DCDC1: variants seen among roughly 807,000 people sequenced by gnomAD.
The protein encoded by DCDC1 is doublecortin domain-containing protein 1.
A neutral mutation model predicts 178.3 loss-of-function variants in DCDC1; 200 were observed. The ratio of observed to expected loss-of-function variants is 1.12; its 90% CI spans 1.00 to 1.26. DCDC1 has a LOEUF of 1.26. Ranked by LOEUF, DCDC1 falls within the 50% of genes most tolerant of loss-of-function variation. The pLI is 0.00. For synonymous variants in DCDC1, 690 were observed against 604.8 expected (o/e 1.14, Z -2.07); for missense variants, 1,983 against 1,749.2 (o/e 1.13, Z -2.38).
chr11:30,954,151 G>T (rs1948619937), intron 20 of DCDC1, among the ~76,000 whole-genome samples: 1 of 151,556 alleles, frequency 6.6e-6, no homozygotes, highest in Admixed American at 6.6e-5. Context: ...GAGTAGCTGT[G>T]ACTACAGGCG....
chr11:31,026,763 T>C (rs1219230873), intron 20 of DCDC1, among the ~76,000 whole-genome samples: 1 of 151,862 alleles, frequency 6.6e-6, no homozygotes, highest in Non-Finnish European at 1.5e-5. Context: ...ACTATCTTCA[T>C]ATATAAATGC....
chr11:31,094,045 G>A lies in DCDC1; in HGVS notation c.2118+5C>T, dbSNP rs921735451. ...CACTCAGCAAAAGCAGACACTCTTA[G>A]GTACCTTGGTGATCAGCCACACACT... On this transcript the variant is annotated splice_donor_5th_base_variant and intron_variant, in intron 16 of 38. Coordinates refer to ENST00000684477, the MANE Select transcript of DCDC1 (RefSeq NM_001387274.1). The A allele has an allele frequency of 2.6e-6, 2 of 765,942 alleles. No individual in the cohort carries two copies. Among genetic ancestry groups the A allele is most frequent in the Non-Finnish European group, 4.8e-6 (2 of 417,652 alleles). The allele number at this position is 765,942 out of a possible 1,614,324, so 47.4% of individuals were successfully genotyped here.
chr11:31,348,768 T>C (rs1591827029), intron 1 of DCDC1, among the ~76,000 whole-genome samples: 4 of 152,316 alleles, frequency 2.6e-5, no homozygotes, highest in South Asian at 4.1e-4. Flanking sequence ...CCATCTCCAA[T>C]AGAGCTAGTC....
intron 27 of DCDC1, among the ~76,000 whole-genome samples, chr11:30,914,136 T>C (rs1382261547): frequency 6.6e-6 from 1 of 152,236 alleles, no homozygotes. Context: ...TGGCAAACCA[T>C]TCACAGAAAC....
chr11:31,365,740 A>G (rs1314575155), intron 1 of DCDC1, among the ~76,000 whole-genome samples: 1 of 152,148 alleles, frequency 6.6e-6, no homozygotes, highest in African/African-American at 2.4e-5. Flanking sequence ...ATAGCACTTG[A>G]TCAATCATCT....
At chr11:31,009,438 TTGTGTG>T (rs139389381) in intron 20 of DCDC1, among the ~76,000 whole-genome samples, 35 of 144,514 alleles carry the variant, frequency 2.4e-4, no homozygotes, top group African/African-American at 7.1e-4. Context: ...CACAGTTTCT[TTGTGTG>T]TGTGTGTGTG....
intron 6 of DCDC1, among the ~76,000 whole-genome samples, chr11:31,296,543 T>G (rs1490362950): frequency 6.6e-6 from 1 of 152,208 alleles, no homozygotes; most frequent in Non-Finnish European, 1.5e-5. Context: ...GTTCCAAAGT[T>G]GCTTCATTTT....
intron 26 of DCDC1, among the ~76,000 whole-genome samples, chr11:30,916,156 A>G (rs548077909): frequency 6.6e-6 from 1 of 152,226 alleles, no homozygotes; most frequent in Non-Finnish European, 1.5e-5. Flanking sequence ...CCATTCTCCA[A>G]GTTTTTAACT....
chr11:31,294,310 T>C (rs1947442787), intron 6 of DCDC1, among the ~76,000 whole-genome samples: 1 of 151,972 alleles, frequency 6.6e-6, no homozygotes, highest in South Asian at 2.1e-4. Context: ...ATGGGCGCTG[T>C]GGCTCATGCC....
At chr11:31,275,512 CT>C (rs1171611661) in intron 7 of DCDC1, among the ~76,000 whole-genome samples, 1 of 151,968 alleles carries the variant, frequency 6.6e-6, no homozygotes, top group Non-Finnish European at 1.5e-5. Flanking sequence ...GTTTGCTTTT[CT>C]GTTTTTTTGA....
intron 3 of DCDC1, among the ~76,000 whole-genome samples, chr11:31,314,927 T>C (rs1948981704): frequency 6.6e-6 from 1 of 152,236 alleles, no homozygotes; most frequent in Non-Finnish European, 1.5e-5. Flanking sequence ...CATTTAATTA[T>C]GCTTACTCTC....
chr11:31,265,749 A>T, intron 7 of DCDC1, 149 bp from the exon 8 acceptor site: 1 of 344,578 alleles, frequency 2.9e-6, no homozygotes, highest in Non-Finnish European at 5.1e-6. Flanking sequence ...TATGAAATTT[A>T]AAAGCAGTTA....
intron 7 of DCDC1, among the ~76,000 whole-genome samples, chr11:31,280,330 A>G (rs1461273487): frequency 6.6e-6 from 1 of 152,202 alleles, no homozygotes; most frequent in Non-Finnish European, 1.5e-5. Context: ...ATAACCAGTT[A>G]CATACATCTA....
chr11:30,998,032 G>A (rs945522203), intron 20 of DCDC1, among the ~76,000 whole-genome samples: 1 of 152,154 alleles, frequency 6.6e-6, no homozygotes, highest in African/African-American at 2.4e-5. Context: ...AGTGGCTCAT[G>A]TCTGTAATGC....
chr11:31,113,604 A>G (rs1257479339), intron 11 of DCDC1, among the ~76,000 whole-genome samples: 1 of 151,994 alleles, frequency 6.6e-6, no homozygotes, highest in Non-Finnish European at 1.5e-5. Context: ...CCATGTCCCT[A>G]CAAAGGCCAT....
chr11:30,980,092 T>C (rs1950315614), intron 20 of DCDC1, among the ~76,000 whole-genome samples: 1 of 152,180 alleles, frequency 6.6e-6, no homozygotes, highest in Admixed American at 6.5e-5. Flanking sequence ...AGAAATGGTA[T>C]CTATTTCTAC....
In DCDC1 at chr11:30,968,711, TTATATATATATATATA is replaced by T. The variant is rs71451193; in HGVS notation, c.2592-16159_2592-16144del. Among the ~76,000 whole-genome samples the T allele has an allele frequency of 2.5e-4, 15 of 61,058 alleles. 1 individual carries two copies. The highest frequency in any genetic ancestry group is 1.5e-3 in the Admixed American group (8 of 5,450). 40.1% of individuals were successfully genotyped at this position (61,058 alleles called of 152,430 possible). On this transcript the variant is annotated intron_variant, in intron 20 of 38. Coordinates refer to ENST00000684477, the MANE Select transcript of DCDC1 (RefSeq NM_001387274.1). ...TATATCAAATTATATATATATCAAA[TTATATATATATATATA>T]TATATATATGGTTTGATATTTTCTG...
intron 9 of DCDC1, among the ~76,000 whole-genome samples, chr11:31,153,553 C>T (rs928759468): frequency 2.0e-5 from 3 of 152,132 alleles, no homozygotes; most frequent in South Asian, 2.1e-4. Context: ...GAGGCCGAGG[C>T]GGGCGGATCA....
At chr11:30,911,207 A>T in intron 28 of DCDC1, 120 bp downstream of exon 28, 1 of 771,634 alleles carries the variant, frequency 1.3e-6, no homozygotes, top group Non-Finnish European at 2.1e-6. Flanking sequence ...TAAATATTTT[A>T]ACAACATTCA....
Sources: gnomAD v4.1 joint callset for allele counts (sites outside exome capture counted in the v4.1 genomes callset) on GRCh38, gnomAD v4.1.1 for gene constraint, MANE v1.5 for transcripts, NCBI Gene and HGNC (gene_info 2026-07-23, HGNC 2026-07-21) for gene names.